The following ARMC2 variants were observed in gnomAD, a reference collection of about 807,000 sequenced individuals.
The protein encoded by ARMC2 is armadillo repeat containing 2, also known as armadillo repeat-containing protein 2.
A neutral mutation model predicts 90.3 loss-of-function variants in ARMC2; 67 were observed. The ratio of observed to expected loss-of-function variants is 0.74; its 90% CI spans 0.61 to 0.91. The LOEUF (loss-of-function observed/expected upper bound fraction) is 0.91, where lower values mean the gene tolerates loss of function less well. ARMC2 is among the 40% of genes least tolerant of loss of function. ARMC2 has a pLI of 0.00. For synonymous variants in ARMC2, 393 were observed against 393.0 expected, an observed-to-expected ratio of 1.00 and a Z score of 0.00; for missense variants, 920 against 1,030.9, an observed-to-expected ratio of 0.89 and a Z score of 1.47.
chr6:108,924,242 GCGC>G (rs1200797334), intron 10 of ARMC2: 1 of 152,194 alleles, frequency 6.6e-6, no homozygotes, highest in Non-Finnish European at 1.5e-5. Context: ...AGGAGGCCGG[GCGC>G]GGTGGATCAT....
In ARMC2 at chr6:108,901,098, A is replaced by ATTTTTTTT. The variant is rs1173637475; in HGVS notation, c.847+1336_847+1343dup. Among the ~76,000 whole-genome samples the ATTTTTTTT allele has an allele frequency of 4.7e-4, 28 of 59,366 alleles. 5 individuals are homozygous for ATTTTTTTT. In the East Asian group the frequency reaches 5.4e-3, roughly 11 times the overall value. 38.9% of individuals were successfully genotyped at this position (59,366 alleles called of 152,430 possible). A position where few individuals can be genotyped will look rare whatever the true frequency, so the allele number is the denominator to read the frequency against. ...GAAGCCTTCCTACAGGAAAGAAGGA[A>ATTTTTTTT]TTTTTTTTTTTTTTTTTTTTTTTTT... On this transcript the variant is annotated intron_variant, in intron 7 of 17. Coordinates refer to ENST00000392644, the MANE Select transcript of ARMC2 (RefSeq NM_032131.6).
At chr6:108,993,611 T>G in the ARMC2 span, among the ~76,000 whole-genome samples, 1 of 152,212 alleles carries the variant, frequency 6.6e-6, no homozygotes, top group Non-Finnish European at 1.5e-5. Flanking sequence ...AGACACTTTA[T>G]AAACTTTTTC....
At chr6:108,890,218 A>AAACAAACAAAC (rs1770858494) in intron 5 of ARMC2, among the ~76,000 whole-genome samples, 1 of 116,592 alleles carries the variant, frequency 8.6e-6, no homozygotes, top group Non-Finnish European at 1.7e-5. Context: ...AAAAAAAAAA[A>AAACAAACAAAC]AAAAAAAAAA....
At chr6:109,023,942 AT>A in the ARMC2 span, among the ~76,000 whole-genome samples, 1 of 151,606 alleles carries the variant, frequency 6.6e-6, no homozygotes, top group Non-Finnish European at 1.5e-5. Context: ...AGAATGAGTG[AT>A]TTTTTTTTCT....
the ARMC2 span, chr6:108,992,730 T>A: frequency 1.8e-6 from 2 of 1,124,774 alleles, no homozygotes; most frequent in South Asian, 1.2e-5. Flanking sequence ...TGTTTTGTAT[T>A]TTAAGTCAGA....
chr6:109,044,469 A>C, the ARMC2 span, among the ~76,000 whole-genome samples: 1 of 152,098 alleles, frequency 6.6e-6, no homozygotes, highest in Non-Finnish European at 1.5e-5. Flanking sequence ...TCTAGACATA[A>C]ACCTCATACC....
At position 108,870,755 on chromosome 6, in the gene ARMC2, T is replaced by C. The variant is rs552747699; in HGVS notation, c.463+1760T>C. ...ACTTGCTTTACCTTGATGTCCCGAT[T>C]TGTTTCCTTTCTTACACTGCCAGTC... On this transcript the variant is annotated intron_variant, in intron 4 of 17. Transcript: ENST00000392644. Among the ~76,000 whole-genome samples, 5 of 152,292 alleles carry C rather than the reference T, an allele frequency of 3.3e-5. 1 individual carries two copies. Among genetic ancestry groups the C allele is most frequent in the African/African-American group, 7.2e-5 (3 of 41,564 alleles).
At chr6:109,009,377 C>G in the ARMC2 span, 1 of 1,467,912 alleles carries the variant, frequency 6.8e-7, no homozygotes, top group Non-Finnish European at 9.0e-7. Flanking sequence ...GGTCGCGGCC[C>G]CCGCCGCACT....
At chr6:108,858,382 T>C (rs966116329) in intron 3 of ARMC2, 111 bp downstream of exon 3, 54 of 607,098 alleles carry the variant, frequency 8.9e-5, no homozygotes, top group Non-Finnish European at 1.4e-4. Flanking sequence ...CATGTACACC[T>C]AAATAGACTA....
chr6:108,890,908 C>G (rs1433933213), intron 5 of ARMC2, among the ~76,000 whole-genome samples: 1 of 149,164 alleles, frequency 6.7e-6, no homozygotes, highest in Non-Finnish European at 1.5e-5. Flanking sequence ...CTCCCCTAGC[C>G]CCCCACCCCC....
chr6:109,004,873 A>G, the ARMC2 span, among the ~76,000 whole-genome samples: 2 of 152,250 alleles, frequency 1.3e-5, no homozygotes, highest in African/African-American at 4.8e-5. Context: ...TTAAGATCAA[A>G]AAGTTTGATC....
At chr6:108,877,208 A>G (rs935030790) in intron 5 of ARMC2, among the ~76,000 whole-genome samples, 2 of 152,236 alleles carry the variant, frequency 1.3e-5, no homozygotes, top group African/African-American at 4.8e-5. Flanking sequence ...GCTTAACAAG[A>G]TTAAATTCCA....
At chr6:108,975,239 A>AATGAGAAC (rs1309497225), downstream of ARMC2, among the ~76,000 whole-genome samples, 1 of 151,850 alleles carries the variant, frequency 6.6e-6, no homozygotes, top group African/African-American at 2.4e-5. Context: ...CCCACTTATG[A>AATGAGAAC]ATGAGAACAT....
the ARMC2 span, among the ~76,000 whole-genome samples, chr6:109,010,133 A>G: frequency 2.6e-5 from 4 of 152,196 alleles, no homozygotes; most frequent in Non-Finnish European, 5.9e-5. Flanking sequence ...CCTATCTCTG[A>G]ATCGTCTTTT....
chr6:108,912,516 A>G lies in ARMC2; in HGVS notation c.1308A>G (p.Lys436=), dbSNP rs755505587. Reference sequence around the variant, plus strand: ...AACAAATAAATGAGAACATCAAGAAATGTGGTACATTTTTGCCTAATTCGG... The same window carrying G: ...AACAAATAAATGAGAACATCAAGAAGTGTGGTACATTTTTGCCTAATTCGG... ...LIKQINENIK[K]CGTFLPNSGH... The change falls in exon 10 of 18, where the codon AAA becomes AAG. Residue 436 remains lysine (K), a synonymous_variant. Transcript: ENST00000392644. The G allele has an allele frequency of 6.2e-7, 1 of 1,614,006 alleles. No individual in the cohort carries two copies. The highest frequency in any genetic ancestry group is 2.2e-5 in the East Asian group (1 of 44,890).
the ARMC2 span, among the ~76,000 whole-genome samples, chr6:109,034,540 CCTT>C: frequency 2.0e-5 from 3 of 152,190 alleles, no homozygotes; most frequent in Admixed American, 6.5e-5. Context: ...TCTATTCTCT[CCTT>C]CTTCTGTGGT....
the ARMC2 span, chr6:108,999,871 T>A: frequency 6.6e-6 from 1 of 152,150 alleles, no homozygotes; most frequent in Non-Finnish European, 1.5e-5. Context: ...TGCCCCAAAC[T>A]GGCAGTAACC....
At chr6:109,000,647 G>T in the ARMC2 span, 1 of 1,605,650 alleles carries the variant, frequency 6.2e-7, no homozygotes, top group Non-Finnish European at 8.5e-7. Context: ...GGTTCACTAA[G>T]TAGGAGCACT....
the ARMC2 span, among the ~76,000 whole-genome samples, chr6:109,016,081 A>G: frequency 2.0e-5 from 3 of 152,226 alleles, no homozygotes; most frequent in African/African-American, 7.2e-5. Context: ...ATGGAACTGA[A>G]CTAATCCCAT....
Sources: allele counts gnomAD v4.1 joint callset (sites outside exome capture counted in the v4.1 genomes callset), GRCh38; gene constraint gnomAD v4.1.1; transcripts MANE v1.5; gene names NCBI Gene and HGNC (gene_info 2026-07-23, HGNC 2026-07-21).